The following ABCB1 variants were observed in gnomAD, a reference collection of about 807,000 sequenced individuals.
ABCB1 encodes ATP binding cassette subfamily B member 1.
ABCB1 carries 69 observed loss-of-function variants against 142.0 expected under a neutral mutation model. The observed-to-expected ratio is 0.49, with a 90% CI of 0.40 to 0.59. The LOEUF is 0.59. Among genes scored for constraint, ABCB1 ranks in the 20% least tolerant of loss-of-function variants. The probability of loss-of-function intolerance (pLI) is 0.00; values close to 1 mark genes in which losing one functional copy is unlikely to be tolerated. For missense variants in ABCB1, 1,326 were observed against 1,554.7 expected (o/e 0.85, Z 2.47); for synonymous variants, 532 against 539.2 (o/e 0.99, Z 0.18).
At chr7:87,540,381 G>A (rs1418318086) in intron 18 of ABCB1, among the ~76,000 whole-genome samples, 1 of 152,164 alleles carries the variant, frequency 6.6e-6, no homozygotes, top group East Asian at 1.9e-4. Context: ...ATCAGAAACA[G>A]GTACAAGGAG....
At chr7:87,602,268 C>T (rs1379684741), upstream of ABCB1, among the ~76,000 whole-genome samples, 1 of 147,872 alleles carries the variant, frequency 6.8e-6, no homozygotes, top group African/African-American at 2.5e-5. Flanking sequence ...GCAGGGATTA[C>T]AGGCGTGAGC....
intron 1 of ABCB1, among the ~76,000 whole-genome samples, chr7:87,712,802 G>A (rs916429165): frequency 2.0e-5 from 3 of 151,728 alleles, no homozygotes; most frequent in African/African-American, 7.3e-5. Context: ...ATGGCTTGGC[G>A]TACAATGTCA....
At chr7:87,671,551 G>A (rs1158665254) in intron 1 of ABCB1, among the ~76,000 whole-genome samples, 2 of 152,160 alleles carry the variant, frequency 1.3e-5, no homozygotes, top group African/African-American at 2.4e-5. Flanking sequence ...GGTATCACCA[G>A]TGAAGGCCGC....
At chr7:87,686,116 A>G (rs528366510) in intron 1 of ABCB1, among the ~76,000 whole-genome samples, 1 of 152,276 alleles carries the variant, frequency 6.6e-6, no homozygotes, top group African/African-American at 2.4e-5. Flanking sequence ...CACTTGATGT[A>G]TACTTTCTGC....
At chr7:87,539,371 G>C (rs776192592) in intron 18 of ABCB1, 26 bp from the exon 19 acceptor site, 1 of 1,604,244 alleles carries the variant, frequency 6.2e-7, no homozygotes. Flanking sequence ...TACCTTGTCA[G>C]GGACCCAGCC....
chr7:87,526,191 T>A (rs563830189), intron 21 of ABCB1, among the ~76,000 whole-genome samples: 1 of 152,026 alleles, frequency 6.6e-6, no homozygotes, highest in Admixed American at 6.5e-5. Context: ...ATCTCCTATT[T>A]CTTTTTGTGG....
chr7:87,513,687 T>C (rs887949932), intron 25 of ABCB1, among the ~76,000 whole-genome samples: 9 of 152,310 alleles, frequency 5.9e-5, no homozygotes, highest in Admixed American at 5.9e-4. Context: ...ACATTGAATG[T>C]CATCCCTACT....
rs544013662 is a variant in ABCB1 at position 87,635,679 on chromosome 7, A to G, written c.-330-34601T>C. ...ATACGTAGCATAACTATGCAGCTCA[A>G]TTCATTTTTGTGGTAGGGCACAATG... On this transcript the variant is annotated intron_variant, in intron 1 of 28. Coordinates refer to the ABCB1 transcript ENST00000265724. Among the ~76,000 whole-genome samples, 48 of 152,288 alleles carry G rather than the reference A, an allele frequency of 3.2e-4. 2 individuals are homozygous for G. The South Asian group carries it at 8.9e-3, about 28-fold the overall frequency.
At chr7:87,521,985 G>C (rs1399720257) in intron 21 of ABCB1, 4 of 837,408 alleles carry the variant, frequency 4.8e-6, no homozygotes, top group Non-Finnish European at 6.2e-6. Flanking sequence ...GGCCACACTT[G>C]TGAAGTTAGG....
intron 1 of ABCB1, among the ~76,000 whole-genome samples, chr7:87,711,691 A>G (rs911687977): frequency 6.6e-6 from 1 of 152,236 alleles, no homozygotes; most frequent in African/African-American, 2.4e-5. Context: ...TTAATATTAC[A>G]TAAAATTGCA....
chr7:87,620,100 T>G (rs1361584150), intron 1 of ABCB1, among the ~76,000 whole-genome samples: 1 of 152,174 alleles, frequency 6.6e-6, no homozygotes, highest in Non-Finnish European at 1.5e-5. Flanking sequence ...TTTCTTGACA[T>G]CATAGCTGAA....
chr7:87,515,834 T>A (rs1349546266), intron 24 of ABCB1, among the ~76,000 whole-genome samples: 1 of 152,064 alleles, frequency 6.6e-6, no homozygotes, highest in Non-Finnish European at 1.5e-5. Context: ...TGACCTCACG[T>A]GATCCACCCA....
At chr7:87,540,834 A>T (rs1466977341) in intron 18 of ABCB1, among the ~76,000 whole-genome samples, 1 of 152,210 alleles carries the variant, frequency 6.6e-6, no homozygotes, top group Non-Finnish European at 1.5e-5. Flanking sequence ...CTGACTCTTT[A>T]CAAATGTTTC....
intron 1 of ABCB1, among the ~76,000 whole-genome samples, chr7:87,677,303 A>ACC (rs1303343025): frequency 6.6e-6 from 1 of 150,678 alleles, no homozygotes; most frequent in African/African-American, 2.5e-5. Context: ...ACACACACAC[A>ACC]CACACACCAC....
intron 1 of ABCB1, among the ~76,000 whole-genome samples, chr7:87,703,792 C>A (rs1366807504): frequency 1.4e-5 from 2 of 138,738 alleles, no homozygotes; most frequent in Non-Finnish European, 3.1e-5. Context: ...ATTTTTAATT[C>A]ATTTACTTAC....
At chr7:87,532,816 T>C (rs998917099) in intron 20 of ABCB1, among the ~76,000 whole-genome samples, 3 of 152,304 alleles carry the variant, frequency 2.0e-5, no homozygotes, top group Middle Eastern at 3.4e-3. Context: ...TTGAATTCTT[T>C]CTTGTACAAG....
At position 87,550,584 on chromosome 7, in the gene ABCB1, C is replaced by A; in HGVS notation, c.1114-6G>T. 6.2e-7 allele frequency: 1 copy of A among 1,611,710 alleles called. No homozygotes were observed. The highest frequency in any genetic ancestry group is 8.5e-7 in the Non-Finnish European group (1 of 1,178,600). On this transcript the variant is annotated splice_polypyrimidine_tract_variant and splice_region_variant and intron_variant, in intron 10 of 27. Transcript: ENST00000622132. ...TAGCTGTCAATACTTGGCTTCTAAA[C>A]AGAATCAAATTTTAAGAGATTACTA...
chr7:87,690,268 G>T (rs1400781714), intron 1 of ABCB1, among the ~76,000 whole-genome samples: 1 of 151,864 alleles, frequency 6.6e-6, no homozygotes, highest in Non-Finnish European at 1.5e-5. Context: ...ATTAATAGTT[G>T]TCACTGTTTA....
chr7:87,667,448 T>C (rs1427658472), intron 1 of ABCB1, among the ~76,000 whole-genome samples: 1 of 152,162 alleles, frequency 6.6e-6, no homozygotes, highest in African/African-American at 2.4e-5. Context: ...AGGGATAGTT[T>C]AACTTTCTCT....
Sources: gnomAD v4.1 joint callset for allele counts (sites outside exome capture counted in the v4.1 genomes callset) on GRCh38, gnomAD v4.1.1 for gene constraint, MANE v1.5 for transcripts, NCBI Gene and HGNC (gene_info 2026-07-23, HGNC 2026-07-21) for gene names.